Variants in SORCS1 observed in about 807,000 individuals in gnomAD.
The protein encoded by SORCS1 is VPS10 domain-containing receptor SorCS1.
SORCS1 carries 60 observed loss-of-function variants against 146.1 expected under a neutral mutation model. The ratio of observed to expected loss-of-function variants is 0.41; its 90% CI spans 0.33 to 0.51. The LOEUF is 0.51. Ranked by LOEUF, SORCS1 falls within the 20% of genes least tolerant of loss-of-function variation. The pLI is 0.21. For missense variants in SORCS1, 1,352 were observed against 1,487.6 expected (o/e 0.91, Z 1.50); for synonymous variants, 637 against 584.0 (o/e 1.09, Z -1.31).
intron 1 of SORCS1, among the ~76,000 whole-genome samples, chr10:107,091,024 C>G (rs1842756094): frequency 6.6e-6 from 1 of 152,220 alleles, no homozygotes; most frequent in South Asian, 2.1e-4. Flanking sequence ...GAAAGAAAAG[C>G]TCTATCTCCA....
intron 1 of SORCS1, among the ~76,000 whole-genome samples, chr10:107,133,209 G>C (rs769303634): frequency 1.1e-4 from 17 of 152,118 alleles, no homozygotes; most frequent in Admixed American, 1.3e-4. Flanking sequence ...AGAAGGTGAG[G>C]GGAGGAACTG....
At chr10:107,136,760 GTA>G (rs1177839145) in intron 1 of SORCS1, among the ~76,000 whole-genome samples, 15 of 152,168 alleles carry the variant, frequency 9.9e-5, no homozygotes, top group African/African-American at 3.6e-4. Flanking sequence ...GTAAGCAGGA[GTA>G]CCAGGTTTCA....
At chr10:107,139,903 C>T (rs567961388) in intron 1 of SORCS1, among the ~76,000 whole-genome samples, 155 of 152,260 alleles carry the variant, frequency 1.0e-3, no homozygotes, top group African/African-American at 3.5e-3. Context: ...GCATCAGTCC[C>T]GTTTTGCCTT....
At chr10:107,130,948 C>T (rs1282217639) in intron 1 of SORCS1, among the ~76,000 whole-genome samples, 3 of 152,136 alleles carry the variant, frequency 2.0e-5, no homozygotes, top group Non-Finnish European at 2.9e-5. Flanking sequence ...ACTCCACGTT[C>T]CTCCCTCCCA....
intron 3 of SORCS1, among the ~76,000 whole-genome samples, chr10:106,785,294 GTTC>G (rs1946004535): frequency 6.6e-6 from 1 of 152,286 alleles, no homozygotes; most frequent in Non-Finnish European, 1.5e-5. Flanking sequence ...GCTATCACCT[GTTC>G]TTCTGAGGGC....
intron 5 of SORCS1, among the ~76,000 whole-genome samples, chr10:106,755,946 C>A (rs1480196950): frequency 6.6e-6 from 1 of 151,856 alleles, no homozygotes; most frequent in Non-Finnish European, 1.5e-5. Context: ...CTGGCCAACA[C>A]GGTGAAATTC....
intron 1 of SORCS1, among the ~76,000 whole-genome samples, chr10:107,054,208 G>A (rs535571129): frequency 1.3e-5 from 2 of 152,282 alleles, no homozygotes; most frequent in African/African-American, 2.4e-5. Context: ...AAAAATATTC[G>A]CAACAGAGGT....
chr10:106,918,048 G>A (rs1952528812), intron 2 of SORCS1, among the ~76,000 whole-genome samples: 1 of 151,992 alleles, frequency 6.6e-6, no homozygotes, highest in Non-Finnish European at 1.5e-5. Context: ...TTCCATCATT[G>A]TAACTTAAAA....
At chr10:106,893,858 T>A (rs1292474476) in intron 2 of SORCS1, among the ~76,000 whole-genome samples, 1 of 152,212 alleles carries the variant, frequency 6.6e-6, no homozygotes, top group Non-Finnish European at 1.5e-5. Context: ...TGAGGTTGAA[T>A]ACATCATCAG....
chr10:106,611,297 G>A (rs1377275154), intron 22 of SORCS1, among the ~76,000 whole-genome samples: 2 of 152,124 alleles, frequency 1.3e-5, no homozygotes, highest in Admixed American at 6.5e-5. Context: ...TATTAGATAT[G>A]AGAGTTTAGG....
rs148332331 is a variant in SORCS1, at chr10:107,133,638, G to A, written c.558+30331C>T. Among the ~76,000 whole-genome samples the A allele has an allele frequency of 1.8e-3, 270 of 152,212 alleles. 2 individuals carry two copies. Among genetic ancestry groups the A allele is most frequent in the African/African-American group, 6.1e-3 (254 of 41,528 alleles). On this transcript the variant is annotated intron_variant, in intron 1 of 25. Transcript: ENST00000263054. ...CCCAGGCTGCTGGAAGGCCTTTGTG[G>A]GAAGAACCCACAATTCAGCCTCATT...
intron 2 of SORCS1, among the ~76,000 whole-genome samples, chr10:106,894,272 T>C (rs1201274405): frequency 1.8e-4 from 6 of 32,966 alleles, no homozygotes; most frequent in Non-Finnish European, 2.4e-4. Context: ...CACGTGTGCG[T>C]GTGTGTGTGT....
rs1365630409 is a variant in SORCS1, at chr10:106,671,366, C to T, written c.2060G>A (p.Gly687Glu). 1.2e-6 allele frequency: 2 copies of T among 1,614,002 alleles called. No homozygotes were observed. The highest frequency in any genetic ancestry group is 2.2e-5 in the South Asian group (2 of 91,056). Residue 687 changes from glycine (G) to glutamate (E), a missense_variant and splice_region_variant, in exon 16 of 26, where the codon GGG becomes GAG. Transcript: ENST00000263054. ...TTTTGCTCCCATGATACATGCTTCC[C>T]CCTGTAAGCAGAGAAGGATCACAGA... is the stretch of plus-strand genomic sequence containing the variant. ...DYRPWQLHSQ[G>E]EACIMGAKRI...
chr10:106,952,985 ATAC>A (rs201605989), intron 2 of SORCS1, among the ~76,000 whole-genome samples: 2 of 151,872 alleles, frequency 1.3e-5, no homozygotes, highest in African/African-American at 2.4e-5. Flanking sequence ...TCTGTCTCAA[ATAC>A]TACTACTACT....
intron 23 of SORCS1, among the ~76,000 whole-genome samples, 177 bp downstream of exon 23, chr10:106,606,989 T>A (rs1241946025): frequency 6.6e-6 from 1 of 152,238 alleles, no homozygotes; most frequent in East Asian, 1.9e-4. Flanking sequence ...GTCTTGGGTA[T>A]GTCTTTATTA....
At chr10:106,877,963 T>C (rs1472832310) in intron 2 of SORCS1, among the ~76,000 whole-genome samples, 1 of 152,104 alleles carries the variant, frequency 6.6e-6, no homozygotes, top group African/African-American at 2.4e-5. Flanking sequence ...GACTCCAAAG[T>C]CCTTAGTCAT....
chr10:106,897,705 C>G (rs1179904072), intron 2 of SORCS1, among the ~76,000 whole-genome samples: 1 of 151,508 alleles, frequency 6.6e-6, no homozygotes, highest in East Asian at 1.9e-4. Flanking sequence ...CTCTCTATCA[C>G]TAAAAAAAAA....
intron 1 of SORCS1, among the ~76,000 whole-genome samples, chr10:107,104,354 T>C (rs974795149): frequency 1.3e-5 from 2 of 152,190 alleles, no homozygotes; most frequent in Non-Finnish European, 2.9e-5. Context: ...TATCCACTAG[T>C]TCCAAAAGAA....
At chr10:107,152,648 G>A (rs1164421165) in intron 1 of SORCS1, among the ~76,000 whole-genome samples, 1 of 152,134 alleles carries the variant, frequency 6.6e-6, no homozygotes, top group Admixed American at 6.5e-5. Context: ...TCTCTCTTCT[G>A]CTGTCACATG....
Sources: allele counts gnomAD v4.1 joint callset (sites outside exome capture counted in the v4.1 genomes callset), GRCh38; gene constraint gnomAD v4.1.1; transcripts MANE v1.5; gene names NCBI Gene and HGNC (gene_info 2026-07-23, HGNC 2026-07-21).